PTPRT: variants seen among roughly 807,000 people sequenced by gnomAD.
PTPRT encodes receptor-type tyrosine-protein phosphatase T.
PTPRT carries 56 observed loss-of-function variants against 176.8 expected under a neutral mutation model. The observed-to-expected ratio is 0.32, with a 90% CI of 0.26 to 0.40. PTPRT has a LOEUF of 0.40. Ranked by LOEUF, PTPRT falls within the 10% of genes least tolerant of loss-of-function variation. The pLI is 1.00. For synonymous variants in PTPRT, 783 were observed against 739.0 expected, an observed-to-expected ratio of 1.06 and a Z score of -0.96; for missense variants, 1,540 against 1,908.2, an observed-to-expected ratio of 0.81 and a Z score of 3.60.
At chr20:43,103,984 C>T (rs1285453111) in intron 1 of PTPRT, among the ~76,000 whole-genome samples, 3 of 152,140 alleles carry the variant, frequency 2.0e-5, no homozygotes, top group African/African-American at 7.2e-5. Context: ...CTTTAAACAT[C>T]ACACGCGCTT....
intron 2 of PTPRT, among the ~76,000 whole-genome samples, chr20:42,845,938 C>G (rs1309591153): frequency 6.6e-6 from 1 of 152,136 alleles, no homozygotes; most frequent in East Asian, 1.9e-4. Context: ...CATGAGACAG[C>G]CACACCTACT....
chr20:42,366,988 T>C (rs760299854), intron 9 of PTPRT, among the ~76,000 whole-genome samples: 1 of 152,254 alleles, frequency 6.6e-6, no homozygotes, highest in East Asian at 1.9e-4. Context: ...ATTGTGTTTC[T>C]TTATAGATGT....
At chr20:42,104,191 A>T (rs1358134541) in intron 25 of PTPRT, among the ~76,000 whole-genome samples, 1 of 152,210 alleles carries the variant, frequency 6.6e-6, no homozygotes, top group Non-Finnish European at 1.5e-5. Context: ...ATGTAGGGCC[A>T]GGTGTGGTGG....
intron 1 of PTPRT, among the ~76,000 whole-genome samples, chr20:42,956,275 T>C (rs1179498016): frequency 1.3e-5 from 2 of 152,116 alleles, no homozygotes; most frequent in African/African-American, 2.4e-5. Context: ...TGGGAAGCAA[T>C]TGGATCATGG....
intron 27 of PTPRT, among the ~76,000 whole-genome samples, chr20:42,092,972 A>G (rs1984789837): frequency 6.6e-6 from 1 of 152,038 alleles, no homozygotes; most frequent in South Asian, 2.1e-4. Flanking sequence ...TAAGTTGTGG[A>G]CTCTTATTTG....
At chr20:42,201,841 T>A (rs1467724850) in intron 15 of PTPRT, among the ~76,000 whole-genome samples, 1 of 151,754 alleles carries the variant, frequency 6.6e-6, no homozygotes, top group Non-Finnish European at 1.5e-5. Flanking sequence ...TGGCAAGTGA[T>A]CTTTTTGACA....
intron 9 of PTPRT, among the ~76,000 whole-genome samples, chr20:42,417,645 T>C (rs2059078456): frequency 6.6e-6 from 1 of 150,666 alleles, no homozygotes; most frequent in Non-Finnish European, 1.5e-5. Context: ...TAAAACTTCA[T>C]TCATACTTTG....
intron 2 of PTPRT, among the ~76,000 whole-genome samples, chr20:42,875,670 C>T (rs2078918251): frequency 6.6e-6 from 1 of 152,138 alleles, no homozygotes; most frequent in African/African-American, 2.4e-5. Context: ...TGAAAACTAA[C>T]TCTGAATACA....
At chr20:42,169,192 T>C (rs748774673) in intron 16 of PTPRT, among the ~76,000 whole-genome samples, 1 of 152,194 alleles carries the variant, frequency 6.6e-6, no homozygotes, top group Non-Finnish European at 1.5e-5. Flanking sequence ...TAAACCTCCA[T>C]CACTGGGGTC....
rs2077371355 is a variant in PTPRT at position 42,791,298 on chromosome 20, C to T, written c.383G>A (p.Gly128Asp). The change falls in exon 3 of 31, where the codon GGT becomes GAT. Residue 128 changes from glycine to aspartate, a missense_variant. By Grantham distance (94) the Gly-to-Asp change is moderately conservative. Coordinates refer to ENST00000373187, the MANE Select transcript of PTPRT (RefSeq NM_007050.6). ...GALNVYVKVN[G>D]GPQGNPVWNV... ...CCACACAGGGTTCCCTTGGGGGCCA[C>T]CATTCACCTTCACGTAGACGTTCAA... The T allele has an allele frequency of 6.2e-7, 1 of 1,614,228 alleles. No individual in the cohort carries two copies. Among genetic ancestry groups the T allele is most frequent in the Non-Finnish European group, 8.5e-7 (1 of 1,180,030 alleles).
At chr20:43,020,685 G>T (rs1450984660) in intron 1 of PTPRT, among the ~76,000 whole-genome samples, 1 of 152,114 alleles carries the variant, frequency 6.6e-6, no homozygotes, top group African/African-American at 2.4e-5. Flanking sequence ...CCGCTCCCAT[G>T]CACACGTGAC....
chr20:42,032,425 A>G, the PTPRT span, among the ~76,000 whole-genome samples: 9 of 152,316 alleles, frequency 5.9e-5, no homozygotes, highest in Admixed American at 4.6e-4. Flanking sequence ...ATTGTTTTCC[A>G]TGATGTTTAG....
chr20:42,692,765 A>T (rs1307107126), intron 6 of PTPRT, among the ~76,000 whole-genome samples: 3 of 152,206 alleles, frequency 2.0e-5, no homozygotes, highest in African/African-American at 7.2e-5. Flanking sequence ...TAAAAATCTC[A>T]AATTATGATA....
intron 16 of PTPRT, among the ~76,000 whole-genome samples, chr20:42,172,949 C>T (rs1403245078): frequency 6.6e-6 from 1 of 152,144 alleles, no homozygotes; most frequent in Non-Finnish European, 1.5e-5. Flanking sequence ...CGCTAGGGAT[C>T]GACAAACTGG....
At chr20:42,137,528 AC>A (rs1473054769) in intron 18 of PTPRT, among the ~76,000 whole-genome samples, 1 of 151,992 alleles carries the variant, frequency 6.6e-6, no homozygotes, top group African/African-American at 2.4e-5. Context: ...AATATGTGCC[AC>A]CCTACCCTGG....
chr20:42,426,382 A>G (rs1293017262), intron 9 of PTPRT, among the ~76,000 whole-genome samples: 1 of 152,128 alleles, frequency 6.6e-6, no homozygotes, highest in African/African-American at 2.4e-5. Flanking sequence ...CGGCTGCTGG[A>G]TGACCAAAAT....
At chr20:42,853,639 C>T (rs1440416770) in intron 2 of PTPRT, among the ~76,000 whole-genome samples, 5 of 152,222 alleles carry the variant, frequency 3.3e-5, no homozygotes, top group Non-Finnish European at 7.3e-5. Flanking sequence ...AGCTTGCCCA[C>T]ATTGGTAGAC....
chr20:42,161,871 T>C (rs1989617998), intron 16 of PTPRT, among the ~76,000 whole-genome samples: 2 of 152,134 alleles, frequency 1.3e-5, no homozygotes, highest in African/African-American at 4.8e-5. Flanking sequence ...AGGCAGGCTA[T>C]TTATTGGGAG....
At chr20:42,575,100 G>A (rs773699565) in intron 7 of PTPRT, among the ~76,000 whole-genome samples, 17 of 152,172 alleles carry the variant, frequency 1.1e-4, no homozygotes, top group African/African-American at 1.9e-4. Flanking sequence ...AAAAAGGACC[G>A]ACTGGTGCAA....
Sources: allele counts gnomAD v4.1 joint callset (sites outside exome capture counted in the v4.1 genomes callset), GRCh38; gene constraint gnomAD v4.1.1; transcripts MANE v1.5; gene names NCBI Gene and HGNC (gene_info 2026-07-23, HGNC 2026-07-21).